Variants in GSK3B observed in about 807,000 individuals in gnomAD.
GSK3B encodes the protein glycogen synthase kinase 3 beta, also known as glycogen synthase kinase-3 beta.
Under a neutral mutation model 56.4 loss-of-function variants are expected in GSK3B, and 15 were observed. The ratio of observed to expected loss-of-function variants is 0.27; its 90% CI spans 0.18 to 0.41. The LOEUF (loss-of-function observed/expected upper bound fraction) is 0.41, where lower values mean the gene tolerates loss of function less well. Ranked by LOEUF, GSK3B falls within the 10% of genes least tolerant of loss-of-function variation. The pLI, the probability that GSK3B is intolerant of heterozygous loss-of-function variation, is 1.00. For missense variants in GSK3B, 300 were observed against 513.4 expected (o/e 0.58, Z 4.02); for synonymous variants, 181 against 188.9 (o/e 0.96, Z 0.34).
intron 9 of GSK3B, among the ~76,000 whole-genome samples, chr3:119,851,603 G>C (rs1195813084): frequency 6.6e-6 from 1 of 152,162 alleles, no homozygotes; most frequent in East Asian, 1.9e-4. Flanking sequence ...CTCTTACAGT[G>C]ATGTAATAAA....
rs1445391259 is a variant in GSK3B, at chr3:119,923,359, A to T, written c.477+14T>A. On this transcript the variant is annotated intron_variant, in intron 4 of 10. Coordinates refer to ENST00000264235, the MANE Select transcript of GSK3B (RefSeq NM_001146156.2). ...ATGTTTTCTAAAATGGAAAATTGTTATGTTTTTACATACCTTGACATAAAT... is the reference window on the plus strand; with the variant it reads ...ATGTTTTCTAAAATGGAAAATTGTTTTGTTTTTACATACCTTGACATAAAT... 7.4e-7 allele frequency: 1 copy of T among 1,351,606 alleles called. No homozygotes were observed. The highest frequency in any genetic ancestry group is 1.1e-6 in the Non-Finnish European group (1 of 948,258). 83.7% of individuals were successfully genotyped at this position (1,351,606 alleles called of 1,614,324 possible).
Position 120,035,025 on chromosome 3 carries a change from G to A in GSK3B, c.89-32786C>T, listed in dbSNP as rs551690673. Among the ~76,000 whole-genome samples the A allele has an allele frequency of 2.6e-4, 40 of 152,190 alleles. No homozygotes were observed. In the East Asian group the frequency reaches 5.0e-3, roughly 19 times the overall value. ...GAAGAATTGCTTGAACCCAGGAGGC[G>A]GAGGTTGCAGTGAGCTGAGATCGTG... is the stretch of plus-strand genomic sequence containing the variant. On this transcript the variant is annotated intron_variant, in intron 1 of 10. Transcript: ENST00000264235.
intron 1 of GSK3B, among the ~76,000 whole-genome samples, chr3:120,017,749 C>T (rs184610972): frequency 2.9e-4 from 44 of 152,282 alleles, no homozygotes; most frequent in Admixed American, 2.6e-3. Flanking sequence ...AACTAATACC[C>T]AATCCATGAG....
At chr3:120,083,274 A>T (rs1316230659) in intron 1 of GSK3B, among the ~76,000 whole-genome samples, 1 of 152,176 alleles carries the variant, frequency 6.6e-6, no homozygotes, top group Non-Finnish European at 1.5e-5. Flanking sequence ...TATGGGATCC[A>T]GGAAACTGGA....
intron 2 of GSK3B, among the ~76,000 whole-genome samples, chr3:119,975,847 T>C (rs1407314585): frequency 6.6e-6 from 1 of 152,142 alleles, no homozygotes; most frequent in African/African-American, 2.4e-5. Context: ...ACTCTAGAGA[T>C]GGGGTTGGAA....
At chr3:120,052,405 G>A (rs777908672) in intron 1 of GSK3B, among the ~76,000 whole-genome samples, 3 of 152,106 alleles carry the variant, frequency 2.0e-5, no homozygotes, top group Non-Finnish European at 4.4e-5. Context: ...ACAGGTTACC[G>A]AGTAGTTCTG....
chr3:119,847,670 G>A (rs772872774), intron 9 of GSK3B, among the ~76,000 whole-genome samples: 1 of 152,038 alleles, frequency 6.6e-6, no homozygotes, highest in Non-Finnish European at 1.5e-5. Context: ...AAATATCTCG[G>A]GGAAAGATGT....
At chr3:120,027,470 A>G (rs767859471) in intron 1 of GSK3B, among the ~76,000 whole-genome samples, 2 of 152,176 alleles carry the variant, frequency 1.3e-5, no homozygotes, top group African/African-American at 2.4e-5. Flanking sequence ...AGAAAGTAAA[A>G]AGAAACTGGA....
intron 2 of GSK3B, among the ~76,000 whole-genome samples, chr3:119,954,313 C>A (rs199503844): frequency 1.2e-3 from 150 of 124,636 alleles, no homozygotes; most frequent in African/African-American, 2.0e-3. Context: ...AGAAAAGAAA[C>A]AGAACAGAAC....
intron 8 of GSK3B, among the ~76,000 whole-genome samples, chr3:119,869,324 C>T (rs1385659387): frequency 6.6e-6 from 1 of 150,396 alleles, no homozygotes; most frequent in East Asian, 2.0e-4. Context: ...TAATCCAATT[C>T]ACTTTAAGTA....
In GSK3B at chr3:120,030,889, G is replaced by A. The variant is rs574430382; in HGVS notation, c.89-28650C>T. ...ATGAATCAAAAACCAGTGAACAAAT[G>A]TACTTACAACCACATAGCTAACAAA... On this transcript the variant is annotated intron_variant, in intron 1 of 10. Coordinates refer to ENST00000264235, the MANE Select transcript of GSK3B (RefSeq NM_001146156.2). Among the ~76,000 whole-genome samples, 217 of 152,240 alleles carry A rather than the reference G, an allele frequency of 1.4e-3. 1 individual carries two copies. The highest frequency in any genetic ancestry group is 7.5e-3 in the South Asian group (36 of 4,822).
At chr3:120,087,985 T>C (rs1055405130) in intron 1 of GSK3B, among the ~76,000 whole-genome samples, 1 of 152,016 alleles carries the variant, frequency 6.6e-6, no homozygotes, top group African/African-American at 2.4e-5. Flanking sequence ...CTCCGCCTCA[T>C]GGGTTCAAAC....
intron 1 of GSK3B, among the ~76,000 whole-genome samples, chr3:120,033,912 G>C (rs1244520196): frequency 6.6e-6 from 1 of 152,174 alleles, no homozygotes; most frequent in Non-Finnish European, 1.5e-5. Context: ...GGAACTGTGA[G>C]TCAATTAAAC....
At chr3:119,948,776 G>A (rs1204491672) in intron 2 of GSK3B, among the ~76,000 whole-genome samples, 3 of 152,158 alleles carry the variant, frequency 2.0e-5, no homozygotes, top group African/African-American at 7.2e-5. Context: ...TCGGCTCATT[G>A]CAACCTTTGC....
At chr3:120,076,073 A>G (rs2058364947) in intron 1 of GSK3B, among the ~76,000 whole-genome samples, 1 of 152,228 alleles carries the variant, frequency 6.6e-6, no homozygotes, top group Non-Finnish European at 1.5e-5. Context: ...AAATCCAAAC[A>G]TAGACCGTCA....
At chr3:119,959,491 C>G (rs2057248542) in intron 2 of GSK3B, among the ~76,000 whole-genome samples, 1 of 145,812 alleles carries the variant, frequency 6.9e-6, no homozygotes, top group Non-Finnish European at 1.5e-5. Context: ...AGTCTTGATT[C>G]CTCTTTCTCT....
intron 4 of GSK3B, among the ~76,000 whole-genome samples, chr3:119,918,229 G>T (rs1346922292): frequency 6.6e-6 from 1 of 152,052 alleles, no homozygotes; most frequent in Non-Finnish European, 1.5e-5. Context: ...CTAGCACTTT[G>T]GGAGACCAAG....
intron 1 of GSK3B, among the ~76,000 whole-genome samples, chr3:120,037,067 C>A (rs1366221910): frequency 2.6e-5 from 4 of 152,186 alleles, no homozygotes; most frequent in Admixed American, 2.6e-4. Context: ...CAATTATCAT[C>A]TTGTTTCCTA....
intron 2 of GSK3B, among the ~76,000 whole-genome samples, chr3:119,983,005 T>C (rs2057479284): frequency 6.6e-6 from 1 of 152,134 alleles, no homozygotes; most frequent in Admixed American, 6.5e-5. Flanking sequence ...TAACAGTGGA[T>C]CTCTCGGCAG....
Sources: allele counts gnomAD v4.1 joint callset (sites outside exome capture counted in the v4.1 genomes callset), GRCh38; gene constraint gnomAD v4.1.1; transcripts MANE v1.5; gene names NCBI Gene and HGNC (gene_info 2026-07-23, HGNC 2026-07-21).